Variants in GRID2 observed in about 807,000 individuals in gnomAD.
GRID2 encodes the protein glutamate ionotropic receptor delta type subunit 2.
GRID2 carries 33 observed loss-of-function variants against 114.8 expected under a neutral mutation model. The ratio of observed to expected loss-of-function variants is 0.29; its 90% confidence interval spans 0.22 to 0.38. GRID2 has a LOEUF of 0.38. Among genes scored for constraint, GRID2 ranks in the 10% least tolerant of loss-of-function variants. The pLI, the probability that GRID2 is intolerant of heterozygous loss-of-function variation, is 1.00. For missense variants in GRID2, 1,184 were observed against 1,257.7 expected (o/e 0.94, Z 0.89); for synonymous variants, 505 against 449.9 (o/e 1.12, Z -1.55).
rs114425675 is a variant in GRID2 at position 92,667,764 on chromosome 4, C to T, written c.244+77478C>T. Among the ~76,000 whole-genome samples the T allele has an allele frequency of 5.0e-3, 756 of 151,554 alleles. 8 individuals carry two copies. The highest frequency in any genetic ancestry group is 0.017 in the African/African-American group (711 of 41,428). On this transcript the variant is annotated intron_variant, in intron 2 of 15. Transcript: ENST00000282020. Reference sequence around the variant, plus strand: ...AGTGTTGGAATAAAAATTTTTAATTCCTTATTAAAGTAAATCTCATTCTCT... The same window carrying T: ...AGTGTTGGAATAAAAATTTTTAATTTCTTATTAAAGTAAATCTCATTCTCT...
intron 11 of GRID2, among the ~76,000 whole-genome samples, chr4:93,481,254 C>T (rs773218112): frequency 3.3e-5 from 5 of 152,004 alleles, no homozygotes; most frequent in Admixed American, 1.3e-4. Flanking sequence ...AGCATTTGTG[C>T]AGAAGAAGGC....
At chr4:92,600,043 T>TAA (rs1579657883) in intron 2 of GRID2, among the ~76,000 whole-genome samples, 2 of 68,180 alleles carry the variant, frequency 2.9e-5, no homozygotes, top group East Asian at 3.7e-4. Flanking sequence ...TGTGTGTGTG[T>TAA]GTATATATAT....
chr4:92,707,809 C>G (rs964860486), intron 2 of GRID2, among the ~76,000 whole-genome samples: 1 of 152,132 alleles, frequency 6.6e-6, no homozygotes, highest in Non-Finnish European at 1.5e-5. Context: ...GAAGGAAGTT[C>G]GACTGTGTTG....
intron 14 of GRID2, among the ~76,000 whole-genome samples, chr4:93,736,567 T>C (rs1730939772): frequency 6.6e-6 from 1 of 152,070 alleles, no homozygotes; most frequent in African/African-American, 2.4e-5. Context: ...CAGGTTGATG[T>C]ACCTATATTC....
chr4:93,236,907 A>C (rs2149510451), intron 7 of GRID2, among the ~76,000 whole-genome samples: 1 of 152,232 alleles, frequency 6.6e-6, no homozygotes, highest in Admixed American at 6.6e-5. Context: ...CTTCAAAAAT[A>C]AAGAATTAAG....
chr4:93,059,182 A>C (rs1436739157), intron 2 of GRID2, among the ~76,000 whole-genome samples: 1 of 152,164 alleles, frequency 6.6e-6, no homozygotes, highest in Admixed American at 6.6e-5. Context: ...AATGCATGGC[A>C]GAAATACAGA....
intron 2 of GRID2, among the ~76,000 whole-genome samples, chr4:92,816,864 A>C (rs1398146766): frequency 6.6e-6 from 1 of 152,134 alleles, no homozygotes; most frequent in African/African-American, 2.4e-5. Flanking sequence ...CAATAAATAA[A>C]AACTGTTAAA....
intron 8 of GRID2, among the ~76,000 whole-genome samples, chr4:93,320,123 C>T (rs906469430): frequency 7.9e-5 from 12 of 151,812 alleles, no homozygotes; most frequent in Non-Finnish European, 1.6e-4. Flanking sequence ...TGGAATAAAG[C>T]GAAAGAAAGG....
intron 13 of GRID2, among the ~76,000 whole-genome samples, chr4:93,542,390 G>A (rs1389710683): frequency 6.6e-6 from 1 of 152,118 alleles, no homozygotes; most frequent in Non-Finnish European, 1.5e-5. Context: ...TACTGAAAGA[G>A]AAAATGTGGA....
At chr4:93,575,347 A>G (rs1320804614) in intron 13 of GRID2, among the ~76,000 whole-genome samples, 2 of 152,174 alleles carry the variant, frequency 1.3e-5, no homozygotes, top group Non-Finnish European at 2.9e-5. Context: ...TCATTGGTTC[A>G]CGTGTGTACT....
At chr4:92,514,907 C>A (rs541869509) in intron 1 of GRID2, among the ~76,000 whole-genome samples, 11 of 151,996 alleles carry the variant, frequency 7.2e-5, no homozygotes, top group African/African-American at 2.6e-4. Context: ...TCTTTCTAAG[C>A]AGTGATATTA....
chr4:93,770,944 TAAG>T (rs1316046903), intron 15 of GRID2, among the ~76,000 whole-genome samples: 1 of 152,072 alleles, frequency 6.6e-6, no homozygotes, highest in Admixed American at 6.6e-5. Context: ...AATTTTGAAA[TAAG>T]AAGGGAGAAG....
chr4:93,070,880 GCTAGCTATGAATTT>G (rs1475009474), intron 2 of GRID2, among the ~76,000 whole-genome samples: 3 of 152,134 alleles, frequency 2.0e-5, no homozygotes, highest in Admixed American at 1.3e-4. Context: ...TGTGGAGTAT[GCTAGCTATGAATTT>G]CTAGCTATGA....
intron 14 of GRID2, among the ~76,000 whole-genome samples, chr4:93,734,677 T>C (rs142965630): frequency 8.7e-4 from 133 of 152,086 alleles, no homozygotes; most frequent in African/African-American, 3.2e-3. Flanking sequence ...CTGATATTAC[T>C]TATCTTAGTG....
intron 10 of GRID2, among the ~76,000 whole-genome samples, chr4:93,446,520 G>T (rs1199250640): frequency 6.6e-6 from 1 of 152,000 alleles, no homozygotes; most frequent in Non-Finnish European, 1.5e-5. Flanking sequence ...ACCTAATAGA[G>T]ATCAGGCTGT....
At chr4:92,922,274 C>T (rs1483447443) in intron 2 of GRID2, among the ~76,000 whole-genome samples, 3 of 152,286 alleles carry the variant, frequency 2.0e-5, no homozygotes, top group African/African-American at 4.8e-5. Context: ...AAAGGGAATT[C>T]CCTGACCCCT....
intron 1 of GRID2, among the ~76,000 whole-genome samples, chr4:92,584,568 T>TTAG (rs1728333712): frequency 2.0e-5 from 3 of 152,010 alleles, no homozygotes; most frequent in South Asian, 2.1e-4. Context: ...GGCAAAGGAA[T>TTAG]TAAATTTCAT....
chr4:93,514,443 A>ACG (rs1489281212), intron 12 of GRID2, among the ~76,000 whole-genome samples: 3 of 151,742 alleles, frequency 2.0e-5, no homozygotes, highest in Non-Finnish European at 4.4e-5. Context: ...ACACACACAC[A>ACG]CACACACACA....
intron 12 of GRID2, among the ~76,000 whole-genome samples, chr4:93,511,823 C>T (rs148408643): frequency 0.012 from 1,743 of 146,794 alleles, 44 homozygotes; most frequent in African/African-American, 0.041. Context: ...TTGCTCTTGT[C>T]GCCCAGGCTA....
Sources: allele counts gnomAD v4.1 joint callset (sites outside exome capture counted in the v4.1 genomes callset), GRCh38; gene constraint gnomAD v4.1.1; transcripts MANE v1.5; gene names NCBI Gene and HGNC (gene_info 2026-07-23, HGNC 2026-07-21).